The following SPTBN5 variants were observed in gnomAD, a reference collection of about 807,000 sequenced individuals.
SPTBN5 encodes spectrin beta chain, non-erythrocytic 5.
In SPTBN5, 513 loss-of-function variants were observed where a neutral mutation model predicts 477.6. That is an observed-to-expected ratio of 1.07 (90% confidence interval 1.00 to 1.16). The LOEUF (loss-of-function observed/expected upper bound fraction) is 1.16, where lower values mean the gene tolerates loss of function less well. Ranked by LOEUF, SPTBN5 falls within the 50% of genes most tolerant of loss-of-function variation. The pLI, the probability that SPTBN5 is intolerant of heterozygous loss-of-function variation, is 0.00. For synonymous variants in SPTBN5, 2,169 were observed against 2,011.7 expected, an observed-to-expected ratio of 1.08 and a Z score of -2.09; for missense variants, 5,062 against 4,731.8, an observed-to-expected ratio of 1.07 and a Z score of -2.05.
chr15:41,881,202 G>C lies in SPTBN5; in HGVS notation c.2490C>G (p.Ser830Arg), dbSNP rs759960073. 4.3e-6 allele frequency: 7 copies of C among 1,612,040 alleles called. No individual in the cohort carries two copies. Among genetic ancestry groups the C allele is most frequent in the Non-Finnish European group, 5.9e-6 (7 of 1,179,622 alleles). ...VNSALSPPGE[S>R]LRNPGPWSEA... ...CACTCCAGGGCCCTGGGTTCCTCAG[G>C]CTTTCTCCTGGAGGGCTCAGGGCAG... The change falls in exon 13 of 68, where the codon AGC (serine) becomes AGG (arginine). Residue 830 changes from serine to arginine, a missense_variant. Physicochemically the swap from Ser to Arg is moderately radical, Grantham distance 110. Transcript: ENST00000320955.
Position 41,882,984 on chromosome 15 carries a change from G to A in SPTBN5, c.1892+12C>T. The A allele has an allele frequency of 6.5e-7, 1 of 1,531,494 alleles. No individual in the cohort carries two copies. The highest frequency in any genetic ancestry group is 8.8e-7 in the Non-Finnish European group (1 of 1,141,664). 94.9% of individuals were successfully genotyped at this position (1,531,494 alleles called of 1,614,324 possible). On this transcript the variant is annotated intron_variant, in intron 9 of 67. Transcript: ENST00000320955. ...TTCTGGGAAAGGTGGAAGAGTTGGG[G>A]CAGGCTCTTACCGGGCCCTGACAAG...
intron 12 of SPTBN5, 67 bp from the exon 13 acceptor site, chr15:41,881,301 C>T: frequency 7.3e-7 from 1 of 1,362,686 alleles, no homozygotes; most frequent in Non-Finnish European, 1.0e-6. Context: ...GGCCAGGCCA[C>T]CCCTACCTCC....
chr15:41,863,617 G>A (rs1567196969), intron 41 of SPTBN5, 87 bp downstream of exon 41: 1 of 1,041,012 alleles, frequency 9.6e-7, no homozygotes, highest in Non-Finnish European at 1.5e-6. Flanking sequence ...CAGTGAGGGG[G>A]GAGACGCATG....
At chr15:41,851,436 G>A (rs932453610) in intron 63 of SPTBN5, 67 bp from the exon 64 acceptor site, 25 of 1,156,858 alleles carry the variant, frequency 2.2e-5, no homozygotes, top group African/African-American at 1.5e-4. Context: ...GCCTGTCCAC[G>A]CCTCACCATG....
rs2065618346 is a variant in SPTBN5, at chr15:41,848,163, C to A, written c.*453G>T. ...TACAAATGTGAGGCGCTGAGACCAT[C>A]TGTTATTACTGCTGAGAAGGGCCAT... is the stretch of plus-strand genomic sequence containing the variant. On this transcript the variant is annotated 3_prime_UTR_variant, in exon 68 of 68. Transcript: ENST00000320955. 9 of 537,600 alleles carry A rather than the reference C, an allele frequency of 1.7e-5. No individual in the cohort carries two copies. The South Asian group carries it at 1.9e-4, about 11-fold the overall frequency. The allele number at this position is 537,600 out of a possible 1,614,324, so 33.3% of individuals were successfully genotyped here. A position where few individuals can be genotyped will look rare whatever the true frequency, so the allele number is the denominator to read the frequency against.
At chr15:41,866,737 C>A (rs912310643) in intron 36 of SPTBN5, among the ~76,000 whole-genome samples, 4 of 152,212 alleles carry the variant, frequency 2.6e-5, no homozygotes, top group Admixed American at 2.0e-4. Flanking sequence ...TGCTCTGCTC[C>A]CTTCCCCACC....
Position 41,852,253 on chromosome 15 carries a change from T to A in SPTBN5, c.10513A>T (p.Thr3505Ser), listed in dbSNP as rs1211752797. ...LKPGRAGSSL[T>S]SFQWRPSGHQ... ...CCAGAGGGCCTCCACTGAAAGGATG[T>A]CAGCGAGCTGCCAGCTCTCCCGGGC... is the stretch of plus-strand genomic sequence containing the variant. The change falls in exon 62 of 68, where the codon ACA becomes TCA. Residue 3505 changes from threonine (T) to serine (S), a missense_variant. Transcript: ENST00000320955. 28 of 1,610,096 alleles carry A rather than the reference T, an allele frequency of 1.7e-5. No homozygotes were observed. Among genetic ancestry groups the A allele is most frequent in the Non-Finnish European group, 2.3e-5 (27 of 1,178,432 alleles).
chr15:41,878,841 G>A (rs1159871619), intron 16 of SPTBN5, among the ~76,000 whole-genome samples: 3 of 152,204 alleles, frequency 2.0e-5, no homozygotes, highest in African/African-American at 7.2e-5. Context: ...GCCGAGGCAG[G>A]CAGATCACGA....
intron 27 of SPTBN5, 84 bp from the exon 28 acceptor site, chr15:41,872,001 A>G (rs1311791616): frequency 1.8e-5 from 25 of 1,427,124 alleles, no homozygotes; most frequent in Non-Finnish European, 2.3e-5. Flanking sequence ...GGCCAATCTG[A>G]AAACTGGGGT....
intron 54 of SPTBN5, 57 bp from the exon 55 acceptor site, chr15:41,855,485 T>C: frequency 6.3e-7 from 1 of 1,591,312 alleles, no homozygotes. Context: ...GCTGGAGCAG[T>C]CTCCTGCCAT....
intron 2 of SPTBN5, 41 bp downstream of exon 2, chr15:41,893,241 C>T (rs1672459): frequency 6.2e-7 from 1 of 1,611,164 alleles, no homozygotes; most frequent in Non-Finnish European, 8.5e-7. Context: ...AGCTGGGGGC[C>T]TGGTATGGGT....
chr15:41,851,110 C>A lies in SPTBN5; in HGVS notation c.10784G>T (p.Arg3595Leu), dbSNP rs749556338. Residue 3595 changes from arginine (R) to leucine (L), a missense_variant, in exon 65 of 68, where the codon CGG (arginine) becomes CTG (leucine). By Grantham distance (102) the Arg-to-Leu change is moderately radical (BLOSUM62 -2). Transcript: ENST00000320955. The part of the protein sequence containing the change: ...SIALLDLTGA[R>L]CERLRGRHGR... Reference sequence around the variant, plus strand: ...GTGGCGGCCCCGCAGCCTCTCACACCGGGCTCCCGTGAGGTCAAGGAGGGC... The same window carrying A: ...GTGGCGGCCCCGCAGCCTCTCACACAGGGCTCCCGTGAGGTCAAGGAGGGC... 1 of 1,613,256 alleles carries A rather than the reference C, an allele frequency of 6.2e-7. No individual in the cohort carries two copies. The highest frequency in any genetic ancestry group is 8.5e-7 in the Non-Finnish European group (1 of 1,179,820).
intron 12 of SPTBN5, among the ~76,000 whole-genome samples, chr15:41,881,515 C>A (rs970153429): frequency 3.9e-5 from 6 of 152,170 alleles, no homozygotes; most frequent in Non-Finnish European, 8.8e-5. Context: ...TTTTAAAGAA[C>A]TTTGGGGGCT....
intron 2 of SPTBN5, 80 bp from the exon 3 acceptor site, chr15:41,893,141 C>A: frequency 6.4e-7 from 1 of 1,573,582 alleles, no homozygotes; most frequent in Non-Finnish European, 8.6e-7. Context: ...AGGTACGACC[C>A]AGAGCAGCTG....
Position 41,852,890 on chromosome 15 carries a change from C to T in SPTBN5, c.10281G>A (p.Gln3427=), listed in dbSNP as rs574566932. ...AESWGLQKLR[Q]RLEQAEAWLA... ...GCCAGGCCTCAGCCTGCTCCAGCCT[C>T]TGCCGAAGCTTCTGCAGGCCCCAGC... Residue 3427 remains glutamine, a synonymous_variant, in exon 60 of 68, where the codon CAG becomes CAA. Transcript: ENST00000320955. 4 of 1,608,162 alleles carry T rather than the reference C, an allele frequency of 2.5e-6. No individual in the cohort carries two copies. The African/African-American group carries it at 5.3e-5, about 21-fold the overall frequency.
chr15:41,861,410 G>A lies in SPTBN5; in HGVS notation c.7815+9C>T, dbSNP rs2066103089. On this transcript the variant is annotated intron_variant, in intron 46 of 67. Transcript: ENST00000320955. ...TCCCCCCTCCTGCCCATTCCTGCTG[G>A]GCACCTACCCATAGACCCTCACTGG... The A allele has an allele frequency of 6.2e-7, 1 of 1,611,672 alleles. No individual in the cohort carries two copies. The highest frequency in any genetic ancestry group is 8.5e-7 in the Non-Finnish European group (1 of 1,178,284).
Position 41,871,690 on chromosome 15 carries a change from GC to G in SPTBN5, c.5301+91del. ...CTCAGCCAGGGCTCACCGCTCTGCTGCCACCTTCTTCCTCCGCCCCGCCAGA... is the reference window on the plus strand; with the variant it reads ...CTCAGCCAGGGCTCACCGCTCTGCTGCACCTTCTTCCTCCGCCCCGCCAGA... On this transcript the variant is annotated intron_variant, in intron 28 of 67. Transcript: ENST00000320955. The G allele has an allele frequency of 2.1e-6, 3 of 1,431,492 alleles. No homozygotes were observed. The South Asian group carries it at 4.5e-5, about 22-fold the overall frequency. The allele number at this position is 1,431,492 out of a possible 1,614,324, so 88.7% of individuals were successfully genotyped here.
Position 41,870,446 on chromosome 15 carries a change from C to T in SPTBN5, c.5562G>A (p.Gln1854=), listed in dbSNP as rs1358762938. The T allele has an allele frequency of 5.6e-6, 9 of 1,613,672 alleles. No individual in the cohort carries two copies. Among genetic ancestry groups the T allele is most frequent in the Non-Finnish European group, 6.8e-6 (8 of 1,179,760 alleles). The part of the protein sequence containing the change: ...RDLLEVLTQV[Q]EKATSLPNNV... ...TTCTAGCCACCCCTCCGGCTCACACCTGGACCTGGGTGAGGACTTCCAAGA... is the reference window on the plus strand; with the variant it reads ...TTCTAGCCACCCCTCCGGCTCACACTTGGACCTGGGTGAGGACTTCCAAGA... The change falls in exon 30 of 68, where the codon CAG becomes CAA. Residue 1854 remains glutamine (Q), a splice_region_variant and synonymous_variant. Transcript: ENST00000320955.
intron 4 of SPTBN5, among the ~76,000 whole-genome samples, chr15:41,889,647 T>A (rs554396476): frequency 6.6e-6 from 1 of 152,146 alleles, no homozygotes; most frequent in South Asian, 2.1e-4. Context: ...ATGAAAGAAA[T>A]GCTGTATCTT....
Sources: allele counts gnomAD v4.1 joint callset (sites outside exome capture counted in the v4.1 genomes callset), GRCh38; gene constraint gnomAD v4.1.1; transcripts MANE v1.5; gene names NCBI Gene and HGNC (gene_info 2026-07-23, HGNC 2026-07-21).